LRP2: variants seen among roughly 807,000 people sequenced by gnomAD.
LRP2 encodes low-density lipoprotein receptor-related protein 2.
A neutral mutation model predicts 531.0 loss-of-function variants in LRP2; 172 were observed. The ratio of observed to expected loss-of-function variants is 0.32; its 90% CI spans 0.29 to 0.37. LRP2 has a LOEUF of 0.37. Ranked by LOEUF, LRP2 falls within the 10% of genes least tolerant of loss-of-function variation. The pLI is 1.00. For synonymous variants in LRP2, 1,992 were observed against 2,027.6 expected, an observed-to-expected ratio of 0.98 and a Z score of 0.47; for missense variants, 5,167 against 5,868.3, an observed-to-expected ratio of 0.88 and a Z score of 3.90.
At chr2:169,333,708 C>T (rs186563322) in intron 1 of LRP2, among the ~76,000 whole-genome samples, 89 of 152,262 alleles carry the variant, frequency 5.8e-4, no homozygotes, top group Admixed American at 1.6e-3. Context: ...TGCAAATACT[C>T]TCATGGTAGA....
At chr2:169,161,975 T>C (rs1359419077) in intron 63 of LRP2, among the ~76,000 whole-genome samples, 1 of 152,226 alleles carries the variant, frequency 6.6e-6, no homozygotes, top group African/African-American at 2.4e-5. Context: ...GCATGTGCCA[T>C]GTTGGCTTGC....
chr2:169,159,942 C>G (rs1185426466), intron 63 of LRP2, among the ~76,000 whole-genome samples: 1 of 152,182 alleles, frequency 6.6e-6, no homozygotes, highest in African/African-American at 2.4e-5. Flanking sequence ...AGAGCAGAAA[C>G]CACACGACAC....
chr2:169,205,691 T>TAAA, intron 40 of LRP2, 54 bp from the exon 41 acceptor site: 21 of 1,220,912 alleles, frequency 1.7e-5, no homozygotes, highest in African/African-American at 6.2e-5. Context: ...CATAGTCCTT[T>TAAA]AAAAAAAAAA....
At chr2:169,328,172 CCGTCCGGG>C (rs1685160344) in intron 1 of LRP2, among the ~76,000 whole-genome samples, 1 of 138,148 alleles carries the variant, frequency 7.2e-6, no homozygotes, top group African/African-American at 2.7e-5. Flanking sequence ...GCCAGCCGCC[CCGTCCGGG>C]AGGGAGGTGG....
chr2:169,231,904 G>C, intron 30 of LRP2, 62 bp from the exon 31 acceptor site: 2 of 1,592,428 alleles, frequency 1.3e-6, no homozygotes, highest in Non-Finnish European at 1.7e-6. Flanking sequence ...AATCAAAACA[G>C]AGTCATGCTC....
chr2:169,349,098 T>A (rs569543539), intron 1 of LRP2, among the ~76,000 whole-genome samples: 1 of 152,214 alleles, frequency 6.6e-6, no homozygotes, highest in East Asian at 1.9e-4. Context: ...GAGATGAAAA[T>A]CCCTGCCCTT....
chr2:169,162,779 G>A (rs998599071), intron 62 of LRP2, among the ~76,000 whole-genome samples, 179 bp from the exon 63 acceptor site: 4 of 152,334 alleles, frequency 2.6e-5, no homozygotes, highest in Middle Eastern at 3.4e-3. Flanking sequence ...CTGTCAGTTG[G>A]AGGTGCCATG....
At position 169,128,606 on chromosome 2, in the gene LRP2, G is replaced by A; in HGVS notation, c.*57C>T. 6.5e-7 allele frequency: 1 copy of A among 1,538,068 alleles called. No individual in the cohort carries two copies. ...GAATGTTAACTTTTTTCATCTGTTT[G>A]TAAAAAATATATGTGCAAAAGTGTG... On this transcript the variant is annotated 3_prime_UTR_variant, in exon 79 of 79. Transcript: ENST00000649046.
chr2:169,168,637 A>T lies in LRP2; in HGVS notation c.11537T>A (p.Met3846Lys), dbSNP rs761501488. Residue 3846 changes from methionine to lysine, a missense_variant, in exon 61 of 79, where the codon ATG becomes AAG. Around this residue, in one of 6 missense-constraint regions of LRP2, gnomAD observed 564 missense variants for 747.7 expected, o/e 0.75. Coordinates refer to ENST00000649046, the MANE Select transcript of LRP2 (RefSeq NM_004525.3). ...ACAAACATGGTTTTTGCATTCGAAC[A>T]TAGTAGCCTGGCAGTATGCACCATC... ...FPDGAYCQAT[M>K]FECKNHVCIP... 1 of 1,614,022 alleles carries T rather than the reference A, an allele frequency of 6.2e-7. No individual in the cohort carries two copies. The highest frequency in any genetic ancestry group is 1.7e-5 in the Admixed American group (1 of 60,000).
At chr2:169,281,757 ATAAT>A (rs957395549) in intron 10 of LRP2, among the ~76,000 whole-genome samples, 20 of 151,702 alleles carry the variant, frequency 1.3e-4, no homozygotes, top group Non-Finnish European at 1.9e-4. Flanking sequence ...AATAAATAAA[ATAAT>A]TAAGAAATAA....
At position 169,133,031 on chromosome 2, in the gene LRP2, A is replaced by G. The variant is rs183792927; in HGVS notation, c.13621-350T>C. Reference sequence around the variant, plus strand: ...TTGGATAATCATACTCTAGTTATATACTGGAAGCCAAATCCTAGAAGAACA... The same window carrying G: ...TTGGATAATCATACTCTAGTTATATGCTGGAAGCCAAATCCTAGAAGAACA... On this transcript the variant is annotated intron_variant, in intron 76 of 78. Transcript: ENST00000649046. 6.2e-4 allele frequency among the ~76,000 whole-genome samples: 94 copies of G among 152,328 alleles called. 1 individual carries two copies. The highest frequency in any genetic ancestry group is 2.6e-4 in the Non-Finnish European group (18 of 68,028).
At chr2:169,231,974 T>A in intron 30 of LRP2, 132 bp from the exon 31 acceptor site, 1 of 1,076,882 alleles carries the variant, frequency 9.3e-7, no homozygotes, top group East Asian at 2.7e-5. Context: ...ACCTCTGTTG[T>A]TTTCTTTTGT....
chr2:169,264,768 G>A (rs1690724523), intron 16 of LRP2, among the ~76,000 whole-genome samples: 1 of 152,122 alleles, frequency 6.6e-6, no homozygotes, highest in Non-Finnish European at 1.5e-5. Context: ...GAGGAACTAA[G>A]GGGCTCAGAT....
chr2:169,327,006 G>T (rs1353763203), intron 1 of LRP2, among the ~76,000 whole-genome samples: 1 of 150,596 alleles, frequency 6.6e-6, no homozygotes, highest in African/African-American at 2.4e-5. Flanking sequence ...GAAGTGAGGA[G>T]CCCCTCCGCC....
At chr2:169,149,978 C>T (rs1277505524) in intron 68 of LRP2, among the ~76,000 whole-genome samples, 3 of 152,092 alleles carry the variant, frequency 2.0e-5, no homozygotes, top group Non-Finnish European at 4.4e-5. Context: ...ACATCATTCA[C>T]ACCATAGAAC....
At chr2:169,272,893 C>A in intron 15 of LRP2, 34 bp downstream of exon 15, 1 of 1,613,300 alleles carries the variant, frequency 6.2e-7, no homozygotes, top group South Asian at 1.1e-5. Flanking sequence ...ACACCTGTGT[C>A]ACCTGCCAAC....
At chr2:169,219,245 C>T (rs1186232839) in intron 34 of LRP2, among the ~76,000 whole-genome samples, 2 of 152,098 alleles carry the variant, frequency 1.3e-5, no homozygotes, top group Non-Finnish European at 2.9e-5. Flanking sequence ...AAACAGAGCG[C>T]TAATACAAAT....
At chr2:169,186,352 T>C (rs939119355) in intron 49 of LRP2, among the ~76,000 whole-genome samples, 3 of 152,158 alleles carry the variant, frequency 2.0e-5, no homozygotes, top group Admixed American at 2.0e-4. Context: ...AGTGTGACTG[T>C]TCACACCATG....
chr2:169,286,317 C>T (rs941884695), intron 9 of LRP2, among the ~76,000 whole-genome samples: 2 of 152,178 alleles, frequency 1.3e-5, no homozygotes, highest in South Asian at 2.1e-4. Flanking sequence ...GTACTAAAGT[C>T]CCAGAAACGC....
Sources: allele counts gnomAD v4.1 joint callset (sites outside exome capture counted in the v4.1 genomes callset), GRCh38; gene constraint gnomAD v4.1.1; regional missense constraint gnomAD v4.1.1; transcripts MANE v1.5; gene names NCBI Gene and HGNC (gene_info 2026-07-23, HGNC 2026-07-21).